The following MROH2B variants were observed in gnomAD, a reference collection of about 807,000 sequenced individuals.
MROH2B encodes maestro heat like repeat family member 2B.
MROH2B carries 177 observed loss-of-function variants against 208.6 expected under a neutral mutation model. The ratio of observed to expected loss-of-function variants is 0.85; its 90% confidence interval spans 0.75 to 0.96. The LOEUF is 0.96. MROH2B is among the 40% of genes least tolerant of loss of function. MROH2B has a pLI of 0.00. For missense variants in MROH2B, 2,002 were observed against 1,878.7 expected (o/e 1.07, Z -1.21); for synonymous variants, 728 against 659.0 (o/e 1.10, Z -1.60).
chr5:41,016,944 C>G (rs946712482), intron 28 of MROH2B, among the ~76,000 whole-genome samples: 1 of 152,086 alleles, frequency 6.6e-6, no homozygotes, highest in Non-Finnish European at 1.5e-5. Flanking sequence ...ATCTCTTTCC[C>G]CCAACCAAAT....
At chr5:41,040,835 T>C (rs1742924278) in intron 19 of MROH2B, among the ~76,000 whole-genome samples, 1 of 151,954 alleles carries the variant, frequency 6.6e-6, no homozygotes, top group South Asian at 2.1e-4. Context: ...CCGACTAATT[T>C]TTTGTATTTT....
At chr5:41,025,481 C>A (rs1487357780) in intron 24 of MROH2B, among the ~76,000 whole-genome samples, 1 of 152,100 alleles carries the variant, frequency 6.6e-6, no homozygotes, top group Non-Finnish European at 1.5e-5. Context: ...CAAGACAAAA[C>A]CAGGAAGAAG....
At chr5:41,043,969 G>T (rs1743038180) in intron 18 of MROH2B, among the ~76,000 whole-genome samples, 1 of 151,966 alleles carries the variant, frequency 6.6e-6, no homozygotes, top group African/African-American at 2.4e-5. Context: ...GCAGGTTGCG[G>T]TGGCTCATGC....
intron 2 of MROH2B, among the ~76,000 whole-genome samples, chr5:41,068,707 C>A (rs775198879): frequency 7.4e-6 from 1 of 134,398 alleles, no homozygotes; most frequent in Non-Finnish European, 1.7e-5. Flanking sequence ...TTCTGGGATC[C>A]GGAGGTTATT....
At chr5:41,034,614 C>CG (rs1742692928) in intron 21 of MROH2B, among the ~76,000 whole-genome samples, 2 of 151,342 alleles carry the variant, frequency 1.3e-5, no homozygotes, top group Non-Finnish European at 1.5e-5. Flanking sequence ...GGTAAAATGC[C>CG]ATTTTTTTGG....
At position 41,065,315 on chromosome 5, in the gene MROH2B, A is replaced by G. The variant is rs746327922; in HGVS notation, c.361+16T>C. On this transcript the variant is annotated intron_variant, in intron 4 of 41. Coordinates refer to ENST00000399564, the MANE Select transcript of MROH2B (RefSeq NM_173489.5). Reference sequence around the variant, plus strand: ...TGTCATTTCCCAGGGAAAATTGGAGAATATTCCCGCTATACCATAGCTGGT... The same window carrying G: ...TGTCATTTCCCAGGGAAAATTGGAGGATATTCCCGCTATACCATAGCTGGT... 1.3e-6 allele frequency: 2 copies of G among 1,595,806 alleles called. No individual in the cohort carries two copies. The highest frequency in any genetic ancestry group is 1.8e-5 in the Admixed American group (1 of 56,362).
Position 41,059,188 on chromosome 5 carries a change from C to T in MROH2B, c.616-985G>A, listed in dbSNP as rs1049390380. Among the ~76,000 whole-genome samples the T allele has an allele frequency of 2.0e-5, 3 of 152,102 alleles. 1 individual carries two copies. The Middle Eastern group carries it at 0.01, about 517-fold the overall frequency. On this transcript the variant is annotated intron_variant, in intron 6 of 41. Transcript: ENST00000399564. ...TATGGTCTTTATTTGCTATCTCTAC[C>T]TCTCACCTCCCATTCACCTCTCAAT...
chr5:41,059,143 G>A (rs1189676356), intron 6 of MROH2B, among the ~76,000 whole-genome samples: 2 of 151,314 alleles, frequency 1.3e-5, no homozygotes, highest in Non-Finnish European at 2.9e-5. Context: ...TCCTGCTCTT[G>A]GAGCAAAGCG....
chr5:41,010,857 A>G (rs900666495), intron 30 of MROH2B, among the ~76,000 whole-genome samples: 15 of 152,160 alleles, frequency 9.9e-5, no homozygotes, highest in Admixed American at 8.5e-4. Context: ...GACAGTCGGG[A>G]GGCTGTGCGT....
chr5:41,057,987 C>A, intron 7 of MROH2B, 76 bp downstream of exon 7: 2 of 1,373,568 alleles, frequency 1.5e-6, no homozygotes, highest in Non-Finnish European at 1.9e-6. Flanking sequence ...TCCTTAGGGT[C>A]TTTTGAGACT....
Position 41,058,102 on chromosome 5 carries a change from G to T in MROH2B, c.717C>A (p.Asn239Lys). The T allele has an allele frequency of 6.2e-7, 1 of 1,605,426 alleles. No homozygotes were observed. Among genetic ancestry groups the T allele is most frequent in the Non-Finnish European group, 8.5e-7 (1 of 1,175,842 alleles). Reference protein sequence around the residue: ...YALGQVPWLLNQYKDKEIDFH... With the variant: ...YALGQVPWLLKQYKDKEIDFH... ...AATCAATCTCTTTGTCTTTATACTG[G>T]TTCAGGAGCCAGGGCACCTGGCCCA... Residue 239 changes from asparagine (N) to lysine (K), a missense_variant, in exon 7 of 42, where the codon AAC (asparagine) becomes AAA (lysine). Asn to Lys is a moderately conservative substitution (Grantham distance 94). Transcript: ENST00000399564.
At position 41,017,934 on chromosome 5, in the gene MROH2B, G is replaced by A. The variant is rs1448281063; in HGVS notation, c.2800C>T (p.Leu934Phe). The change falls in exon 28 of 42, where the codon CTT (leucine) becomes TTT (phenylalanine). Residue 934 changes from leucine (L) to phenylalanine (F), a missense_variant. Transcript: ENST00000399564. ...GTATCACAGGAGTGAGGAGCCAGAAGTCCAAGCAGTGAACCAATTTTAAAG... is the reference window on the plus strand; with the variant it reads ...GTATCACAGGAGTGAGGAGCCAGAAATCCAAGCAGTGAACCAATTTTAAAG... Reference protein sequence around the residue: ...ENFKIGSLLGLLAPHSCDTLP... With the variant: ...ENFKIGSLLGFLAPHSCDTLP... 1 of 1,580,840 alleles carries A rather than the reference G, an allele frequency of 6.3e-7. No individual in the cohort carries two copies. The highest frequency in any genetic ancestry group is 1.8e-5 in the Admixed American group (1 of 54,620).
At chr5:41,018,227 G>T in intron 27 of MROH2B, 114 bp downstream of exon 27, 1 of 1,138,130 alleles carries the variant, frequency 8.8e-7, no homozygotes, top group Non-Finnish European at 1.2e-6. Context: ...GTTCCGAAAA[G>T]CACTTCACTC....
chr5:41,064,348 G>A (rs2150182742), intron 5 of MROH2B, 124 bp downstream of exon 5: 4 of 717,698 alleles, frequency 5.6e-6, no homozygotes, highest in Non-Finnish European at 9.4e-6. Context: ...CACTCAATAA[G>A]TGGCAGCTAT....
At chr5:41,003,105 C>A (rs537087454) in intron 37 of MROH2B, among the ~76,000 whole-genome samples, 1 of 151,842 alleles carries the variant, frequency 6.6e-6, no homozygotes, top group Non-Finnish European at 1.5e-5. Flanking sequence ...GGACTACAGG[C>A]GCGCACCGCC....
rs1227438813 is a variant in MROH2B at position 41,018,963 on chromosome 5, TA to T, written c.2496del (p.Asn832LysfsTer14). The part of the protein sequence containing the change: ...LQDHLNILEE[N>X]IRRLLPLPPL... ...GGTGGAAGGGGCAGCAGCCTCCGAA[TA>T]TTCTCCTCAAGAATGTTAAGGTGGT... On this transcript the variant is annotated frameshift_variant, in exon 25 of 42. Transcript: ENST00000399564. LOFTEE classifies it high-confidence loss of function. The T allele has an allele frequency of 6.2e-7, 1 of 1,613,770 alleles. No individual in the cohort carries two copies. The highest frequency in any genetic ancestry group is 8.5e-7 in the Non-Finnish European group (1 of 1,179,880).
chr5:41,059,047 CAAAAAA>C (rs1171278919), intron 6 of MROH2B, among the ~76,000 whole-genome samples: 8 of 73,216 alleles, frequency 1.1e-4, no homozygotes, highest in Admixed American at 1.0e-3. Flanking sequence ...GACTCCATCT[CAAAAAA>C]AAAAAAAAAA....
intron 37 of MROH2B, among the ~76,000 whole-genome samples, chr5:41,002,249 A>G (rs1741420479): frequency 6.6e-6 from 1 of 152,206 alleles, no homozygotes; most frequent in Non-Finnish European, 1.5e-5. Context: ...GAAAAATCAG[A>G]AAGAAAAAGT....
Position 41,042,222 on chromosome 5 carries a change from G to T in MROH2B, c.1837-14C>A. The T allele has an allele frequency of 7.6e-7, 1 of 1,323,804 alleles. No homozygotes were observed. 82.0% of individuals were successfully genotyped at this position (1,323,804 alleles called of 1,614,324 possible). A position where few individuals can be genotyped will look rare whatever the true frequency, so the allele number is the denominator to read the frequency against. On this transcript the variant is annotated splice_polypyrimidine_tract_variant and intron_variant, in intron 18 of 41. Coordinates refer to ENST00000399564, the MANE Select transcript of MROH2B (RefSeq NM_173489.5). ...CCAAAGGAATTTCTGGAAAACAAAAGATAAGCAACAGGATTTTAAGGGTTG... is the reference window on the plus strand; with the variant it reads ...CCAAAGGAATTTCTGGAAAACAAAATATAAGCAACAGGATTTTAAGGGTTG...
Sources: allele counts gnomAD v4.1 joint callset (sites outside exome capture counted in the v4.1 genomes callset), GRCh38; gene constraint gnomAD v4.1.1; transcripts MANE v1.5; gene names NCBI Gene and HGNC (gene_info 2026-07-23, HGNC 2026-07-21).